Variants in ITK observed in about 807,000 individuals in gnomAD.
The protein encoded by ITK is tyrosine-protein kinase ITK/TSK.
ITK carries 45 observed loss-of-function variants against 87.6 expected under a neutral mutation model. The observed-to-expected ratio is 0.51, with a 90% CI of 0.40 to 0.66. The LOEUF (loss-of-function observed/expected upper bound fraction) is 0.66. ITK is among the 30% of genes least tolerant of loss of function. ITK has a pLI of 0.00. For missense variants in ITK, 605 were observed against 766.3 expected, an observed-to-expected ratio of 0.79 and a Z score of 2.48; for synonymous variants, 303 against 273.6, an observed-to-expected ratio of 1.11 and a Z score of -1.06.
chr5:157,217,611 C>G (rs1754324779), intron 4 of ITK, among the ~76,000 whole-genome samples: 1 of 152,062 alleles, frequency 6.6e-6, no homozygotes, highest in African/African-American at 2.4e-5. Context: ...AGAGAGGGCC[C>G]CCGAATATGG....
intron 8 of ITK, among the ~76,000 whole-genome samples, chr5:157,234,228 T>TGC (rs1236066478): frequency 1.3e-5 from 2 of 151,834 alleles, no homozygotes; most frequent in Non-Finnish European, 2.9e-5. Flanking sequence ...GTGATCCGCC[T>TGC]GCCTTGGCCT....
intron 6 of ITK, among the ~76,000 whole-genome samples, chr5:157,225,910 C>T (rs941021254): frequency 6.6e-6 from 1 of 152,178 alleles, no homozygotes; most frequent in East Asian, 1.9e-4. Context: ...GCCTTACTTC[C>T]CCAAATGAGA....
chr5:157,244,211 T>C, intron 12 of ITK, 51 bp from the exon 13 acceptor site: 1 of 1,455,756 alleles, frequency 6.9e-7, no homozygotes, highest in South Asian at 1.1e-5. Flanking sequence ...ATTTTCGGCA[T>C]TTTTGGGAGA....
intron 13 of ITK, chr5:157,244,913 A>T: frequency 4.1e-6 from 1 of 242,554 alleles, no homozygotes; most frequent in Middle Eastern, 1.6e-3. Context: ...TCCCCGTATG[A>T]TTTGTATGCA....
Position 157,181,093 on chromosome 5 carries a change from C to A in ITK, c.116C>A (p.Ala39Glu). The change falls in exon 1 of 17, where the codon GCA (alanine) becomes GAA (glutamate). Residue 39 changes from alanine to glutamate, a missense_variant. Physicochemically the swap from Ala to Glu is moderately radical, Grantham distance 107. This residue lies in a region of ITK where 464 missense variants were observed against 578.0 expected (regional missense o/e 0.80). Transcript: ENST00000422843. ...RFFVLTKASL[A>E]YFEDRHGKKR... ...TTTGTGTTAACCAAAGCCAGCCTGG[C>A]ATACTTTGAAGATCGTCATGGGGTA... is the stretch of plus-strand genomic sequence containing the variant. 1 of 1,614,050 alleles carries A rather than the reference C, an allele frequency of 6.2e-7. No homozygotes were observed. Among genetic ancestry groups the A allele is most frequent in the Non-Finnish European group, 8.5e-7 (1 of 1,179,908 alleles).
chr5:157,242,133 G>C (rs190316), intron 11 of ITK, among the ~76,000 whole-genome samples: 1 of 152,220 alleles, frequency 6.6e-6, no homozygotes, highest in Non-Finnish European at 1.5e-5. Context: ...AGAGCATCTA[G>C]AAGTGTTTCT....
At chr5:157,190,994 G>A (rs757704189) in intron 1 of ITK, among the ~76,000 whole-genome samples, 5 of 152,126 alleles carry the variant, frequency 3.3e-5, no homozygotes, top group African/African-American at 4.8e-5. Flanking sequence ...ACAGCTATGG[G>A]GTCAGCAGAT....
intron 7 of ITK, among the ~76,000 whole-genome samples, chr5:157,231,164 A>G (rs1754644626): frequency 6.6e-6 from 1 of 152,196 alleles, no homozygotes; most frequent in African/African-American, 2.4e-5. Flanking sequence ...GTTTGCAGCC[A>G]TGACCTTGGG....
intron 1 of ITK, among the ~76,000 whole-genome samples, chr5:157,185,215 A>G (rs1193870032): frequency 6.6e-6 from 1 of 151,462 alleles, no homozygotes. Context: ...AAATTATATA[A>G]TGCTGTGCAA....
At chr5:157,246,629 G>A (rs930513412) in intron 15 of ITK, among the ~76,000 whole-genome samples, 3 of 152,216 alleles carry the variant, frequency 2.0e-5, no homozygotes, top group African/African-American at 7.2e-5. Flanking sequence ...TAATGGGGCA[G>A]AGTGACTAGG....
intron 7 of ITK, among the ~76,000 whole-genome samples, chr5:157,230,820 TA>T (rs35893159): frequency 6.6e-6 from 1 of 152,008 alleles, no homozygotes; most frequent in Non-Finnish European, 1.5e-5. Context: ...CTGGAGCAAA[TA>T]AAAAAAGTCA....
Position 157,228,114 on chromosome 5 carries a change from C to T in ITK, c.648-182C>T, listed in dbSNP as rs142018804. Among the ~76,000 whole-genome samples, 247 of 152,206 alleles carry T rather than the reference C, an allele frequency of 1.6e-3. 1 individual carries two copies. Among genetic ancestry groups the T allele is most frequent in the African/African-American group, 5.6e-3 (234 of 41,524 alleles). On this transcript the variant is annotated intron_variant, in intron 6 of 16. Transcript: ENST00000422843. ...TCGGCCTCCAAAAGTGCTGGGATTACAGGCATGAGCCACCGCCCCCGGCCT... is the reference window on the plus strand; with the variant it reads ...TCGGCCTCCAAAAGTGCTGGGATTATAGGCATGAGCCACCGCCCCCGGCCT...
chr5:157,188,058 C>A (rs1466986780), intron 1 of ITK, among the ~76,000 whole-genome samples: 1 of 152,180 alleles, frequency 6.6e-6, no homozygotes, highest in Non-Finnish European at 1.5e-5. Context: ...GCCTCAGCCT[C>A]CAAAAGTGCT....
intron 3 of ITK, among the ~76,000 whole-genome samples, chr5:157,213,294 G>A (rs1205994821): frequency 5.9e-5 from 9 of 152,186 alleles, no homozygotes; most frequent in Non-Finnish European, 8.8e-5. Flanking sequence ...AAATATCCCC[G>A]TGATCCAATT....
Position 157,245,720 on chromosome 5 carries a change from C to T in ITK, c.1450-6C>T, listed in dbSNP as rs757362077. 1.2e-6 allele frequency: 2 copies of T among 1,613,936 alleles called. No homozygotes were observed. The highest frequency in any genetic ancestry group is 2.2e-5 in the South Asian group (2 of 91,082). Reference sequence around the variant, plus strand: ...CTCCGCCTTTGTTTGCCTGTCTCCTCTCCAGGCTGCCAGAAATTGTTTGGT... The same window carrying T: ...CTCCGCCTTTGTTTGCCTGTCTCCTTTCCAGGCTGCCAGAAATTGTTTGGT... On this transcript the variant is annotated splice_region_variant and splice_polypyrimidine_tract_variant and intron_variant, in intron 13 of 16. Coordinates refer to ENST00000422843, the MANE Select transcript of ITK (RefSeq NM_005546.4).
At position 157,252,754 on chromosome 5, in the gene ITK, G is replaced by A; in HGVS notation, c.*76G>A. ...TATGTCCTCATTCCATAGAGCATTA[G>A]AAGCTGCCACCAGCCCAGGACCCTC... On this transcript the variant is annotated 3_prime_UTR_variant, in exon 17 of 17. Transcript: ENST00000422843. 8.4e-7 allele frequency: 1 copy of A among 1,197,096 alleles called. No individual in the cohort carries two copies. Among genetic ancestry groups the A allele is most frequent in the Non-Finnish European group, 1.2e-6 (1 of 802,108 alleles). The allele number at this position is 1,197,096 out of a possible 1,614,324, so 74.2% of individuals were successfully genotyped here. A position where few individuals can be genotyped will look rare whatever the true frequency, so the allele number is the denominator to read the frequency against.
At chr5:157,205,139 A>G (rs1754054621) in intron 1 of ITK, among the ~76,000 whole-genome samples, 1 of 152,214 alleles carries the variant, frequency 6.6e-6, no homozygotes, top group Non-Finnish European at 1.5e-5. Flanking sequence ...ATCTGTTATA[A>G]GCCAGTTAAT....
At position 157,248,945 on chromosome 5, in the gene ITK, T is replaced by C. The variant is rs959899813; in HGVS notation, c.1729T>C (p.Leu577=). 3.1e-6 allele frequency: 5 copies of C among 1,613,748 alleles called. No homozygotes were observed. In the East Asian group the frequency reaches 6.7e-5, roughly 22 times the overall value. Residue 577 remains leucine, a synonymous_variant, in exon 16 of 17, where the codon TTG becomes CTG. Transcript: ENST00000422843. The stretch of plus-strand genomic sequence containing the variant: ...GGAAGACATCAGTACCGGATTTCGG[T>C]TGTACAAGCCCCGGCTGGCCTCCAC... The part of the protein sequence containing the change: ...VVEDISTGFR[L]YKPRLASTHV...
intron 3 of ITK, among the ~76,000 whole-genome samples, chr5:157,211,773 T>C (rs983455863): frequency 6.6e-6 from 1 of 152,134 alleles, no homozygotes; most frequent in African/African-American, 2.4e-5. Flanking sequence ...ATGACCTGGG[T>C]TTAAATCCCA....
Sources: gnomAD v4.1 joint callset for allele counts (sites outside exome capture counted in the v4.1 genomes callset) on GRCh38, gnomAD v4.1.1 for gene constraint, gnomAD v4.1.1 regional missense constraint, MANE v1.5 for transcripts, NCBI Gene and HGNC (gene_info 2026-07-23, HGNC 2026-07-21) for gene names.